SORCS2: variants seen among roughly 807,000 people sequenced by gnomAD.
The protein encoded by SORCS2 is VPS10 domain-containing receptor SorCS2.
A neutral mutation model predicts 141.6 loss-of-function variants in SORCS2; 100 were observed. The observed-to-expected ratio is 0.71, with a 90% CI of 0.60 to 0.83. The LOEUF (loss-of-function observed/expected upper bound fraction) is 0.83, where lower values mean the gene tolerates loss of function less well. SORCS2 is among the 40% of genes least tolerant of loss of function. The pLI, the probability that SORCS2 is intolerant of heterozygous loss-of-function variation, is 0.00. For missense variants in SORCS2, 1,646 were observed against 1,560.2 expected, an observed-to-expected ratio of 1.05 and a Z score of -0.93; for synonymous variants, 789 against 676.9, an observed-to-expected ratio of 1.17 and a Z score of -2.57.
intron 3 of SORCS2, among the ~76,000 whole-genome samples, chr4:7,592,879 TAGTAGTTGTAAAGCAAATGC>T (rs1244906919): frequency 2.6e-5 from 4 of 152,220 alleles, no homozygotes; most frequent in African/African-American, 9.6e-5. Context: ...GCCTGGCTCA[TAGTAGTTGTAAAGCAAATGC>T]TAATAATTTC....
intron 2 of SORCS2, among the ~76,000 whole-genome samples, chr4:7,414,182 G>C (rs1218648921): frequency 6.6e-6 from 1 of 152,212 alleles, no homozygotes; most frequent in Non-Finnish European, 1.5e-5. Context: ...AGACTGCACA[G>C]AACACTGGGG....
chr4:7,221,742 G>A (rs376552940), intron 1 of SORCS2, among the ~76,000 whole-genome samples: 3 of 152,372 alleles, frequency 2.0e-5, no homozygotes, highest in South Asian at 2.1e-4. Context: ...CGTGGAGCGG[G>A]CAGCTCATTC....
chr4:7,292,093 C>T lies in SORCS2; in HGVS notation c.480+98967C>T, dbSNP rs553075478. On this transcript the variant is annotated intron_variant, in intron 1 of 26. Coordinates refer to ENST00000507866, the MANE Select transcript of SORCS2 (RefSeq NM_020777.3). ...AGACCAGCCTCACAGAAACTGAGCT[C>T]GGCCTGGATCTCAGCTCTCTCCCGC... Among the ~76,000 whole-genome samples, 8 of 152,306 alleles carry T rather than the reference C, an allele frequency of 5.3e-5. No individual in the cohort carries two copies. The South Asian group carries it at 1.2e-3, about 24-fold the overall frequency.
At chr4:7,231,664 C>T (rs1190817766) in intron 1 of SORCS2, among the ~76,000 whole-genome samples, 1 of 152,226 alleles carries the variant, frequency 6.6e-6, no homozygotes, top group Non-Finnish European at 1.5e-5. Context: ...GAAAGTGGAC[C>T]ATCCTGCACC....
intron 3 of SORCS2, among the ~76,000 whole-genome samples, chr4:7,606,913 G>A (rs1434755323): frequency 6.6e-6 from 1 of 151,962 alleles, no homozygotes; most frequent in Non-Finnish European, 1.5e-5. Flanking sequence ...GAGCTGTTGA[G>A]GATCCTTTGA....
At chr4:7,266,568 C>G (rs1714746931) in intron 1 of SORCS2, among the ~76,000 whole-genome samples, 1 of 152,236 alleles carries the variant, frequency 6.6e-6, no homozygotes, top group Admixed American at 6.5e-5. Context: ...CCTGTCTTTA[C>G]TCTCTCCACA....
chr4:7,192,843 G>T lies in SORCS2; in HGVS notation c.197G>T (p.Arg66Leu). ...CTGGGTCCTCACGCCCAACTGACCC[G>T]GGTGCCGCGGAGCCCTCCCGCGGGG... Reference protein sequence around the residue: ...GRLGPHAQLTRVPRSPPAGRA... With the variant: ...GRLGPHAQLTLVPRSPPAGRA... Residue 66 changes from arginine (R) to leucine (L), a missense_variant, in exon 1 of 27, where the codon CGG (arginine) becomes CTG (leucine). Physicochemically the swap from Arg to Leu is moderately radical, Grantham distance 102 (BLOSUM62 -2). Coordinates refer to ENST00000507866, the MANE Select transcript of SORCS2 (RefSeq NM_020777.3). The surrounding 1 kb of genome is among the most constrained non-coding windows in gnomAD (Gnocchi z 4.0). 7 of 1,044,508 alleles carry T rather than the reference G, an allele frequency of 6.7e-6. No homozygotes were observed. The highest frequency in any genetic ancestry group is 8.0e-6 in the Non-Finnish European group (7 of 870,412). The allele number at this position is 1,044,508 out of a possible 1,614,324, so 64.7% of individuals were successfully genotyped here. A position where few individuals can be genotyped will look rare whatever the true frequency, so the allele number is the denominator to read the frequency against.
chr4:7,365,789 AT>A (rs764043454), intron 1 of SORCS2, among the ~76,000 whole-genome samples: 17 of 152,292 alleles, frequency 1.1e-4, no homozygotes, highest in Middle Eastern at 6.8e-3. Flanking sequence ...CACGTGTGTC[AT>A]TTTGCTGAGC....
intron 1 of SORCS2, among the ~76,000 whole-genome samples, chr4:7,245,142 T>C (rs1421446468): frequency 2.0e-5 from 3 of 151,986 alleles, no homozygotes; most frequent in African/African-American, 4.8e-5. Context: ...TCTTCCCCCT[T>C]CCCCCTGGAA....
At chr4:7,718,855 C>CA (rs776661126) in intron 18 of SORCS2, among the ~76,000 whole-genome samples, 1 of 152,240 alleles carries the variant, frequency 6.6e-6, no homozygotes, top group Non-Finnish European at 1.5e-5. Flanking sequence ...TCCGTGGTAA[C>CA]AACTGTTAGT....
At chr4:7,555,097 T>G (rs2109648559) in intron 3 of SORCS2, among the ~76,000 whole-genome samples, 1 of 152,332 alleles carries the variant, frequency 6.6e-6, no homozygotes, top group East Asian at 1.9e-4. Context: ...CTCTGGATAC[T>G]GGAGTTCAGG....
At chr4:7,564,100 A>T (rs1714787814) in intron 3 of SORCS2, among the ~76,000 whole-genome samples, 1 of 152,174 alleles carries the variant, frequency 6.6e-6, no homozygotes, top group Non-Finnish European at 1.5e-5. Context: ...TCTAATGGGG[A>T]TGGAGGGACA....
At chr4:7,610,934 G>A (rs139703942) in intron 3 of SORCS2, among the ~76,000 whole-genome samples, 1 of 152,302 alleles carries the variant, frequency 6.6e-6, no homozygotes, top group African/African-American at 2.4e-5. Flanking sequence ...TTCAGATTCA[G>A]TCATTTAGTT....
chr4:7,472,297 A>T (rs1011134049), intron 2 of SORCS2, among the ~76,000 whole-genome samples: 1 of 152,166 alleles, frequency 6.6e-6, no homozygotes, highest in Non-Finnish European at 1.5e-5. Flanking sequence ...GTTGGGGATG[A>T]TTCAGGGCAG....
intron 2 of SORCS2, chr4:7,434,676 C>G (rs193018169): frequency 6.2e-7 from 1 of 1,612,844 alleles, no homozygotes; most frequent in Non-Finnish European, 8.5e-7. Context: ...CTGCTATGTC[C>G]TGGCATACGT....
At chr4:7,690,791 T>C (rs1175215106) in intron 11 of SORCS2, among the ~76,000 whole-genome samples, 5 of 152,204 alleles carry the variant, frequency 3.3e-5, no homozygotes, top group Admixed American at 6.5e-5. Context: ...AGTTCTAGTT[T>C]AGTGGGGGGA....
chr4:7,682,996 G>A, intron 10 of SORCS2, 107 bp downstream of exon 10: 1 of 1,367,456 alleles, frequency 7.3e-7, no homozygotes, highest in Non-Finnish European at 9.8e-7. Flanking sequence ...GACCATCTGA[G>A]ACACATGAAC....
At chr4:7,354,630 T>G (rs1721139526) in intron 1 of SORCS2, among the ~76,000 whole-genome samples, 1 of 152,112 alleles carries the variant, frequency 6.6e-6, no homozygotes, top group South Asian at 2.1e-4. Flanking sequence ...TCTGGGAGCT[T>G]CTGCACACCA....
chr4:7,499,936 C>A (rs1055278407), intron 2 of SORCS2, among the ~76,000 whole-genome samples: 1 of 152,106 alleles, frequency 6.6e-6, no homozygotes. Flanking sequence ...GGGAGGCAGG[C>A]GGCTGGGGAG....
Sources: gnomAD v4.1 joint callset for allele counts (sites outside exome capture counted in the v4.1 genomes callset) on GRCh38, gnomAD v4.1.1 for gene constraint, Gnocchi (gnomAD v3.1) non-coding constraint, MANE v1.5 for transcripts, NCBI Gene and HGNC (gene_info 2026-07-23, HGNC 2026-07-21) for gene names.